The following PC variants were observed in gnomAD, a reference collection of about 807,000 sequenced individuals.
PC encodes pyruvate carboxylase, mitochondrial.
A neutral mutation model predicts 107.8 loss-of-function variants in PC; 46 were observed. The ratio of observed to expected loss-of-function variants is 0.43; its 90% CI spans 0.34 to 0.55. The LOEUF is 0.55. Among genes scored for constraint, PC ranks in the 20% least tolerant of loss-of-function variants. The pLI is 0.04. For synonymous variants in PC, 662 were observed against 684.7 expected, an observed-to-expected ratio of 0.97 and a Z score of 0.52; for missense variants, 1,241 against 1,643.1, an observed-to-expected ratio of 0.76 and a Z score of 4.23.
In PC at chr11:66,857,421, A is replaced by G; in HGVS notation, c.1369-4038T>C. On this transcript the variant is annotated intron_variant, in intron 12 of 22. Transcript: ENST00000393960. The surrounding 1 kb of genome is among the most constrained non-coding windows in gnomAD (Gnocchi z 7.1). ...GCGGGGAGTGGGGAGGCGGCTGGCG[A>G]TTCCTGGGGACGCCTGGGAAAGGAA... The G allele has an allele frequency of 3.4e-6, 1 of 290,266 alleles. No individual in the cohort carries two copies. Among genetic ancestry groups the G allele is most frequent in the Non-Finnish European group, 6.4e-6 (1 of 156,992 alleles). 18.0% of individuals were successfully genotyped at this position (290,266 alleles called of 1,614,324 possible).
Position 66,868,598 on chromosome 11 carries a change from G to A in PC, c.1022+248C>T, listed in dbSNP as rs930377681. On this transcript the variant is annotated intron_variant, in intron 10 of 22. Transcript: ENST00000393960. ...TGGGAGCACCTGGGCCTGAGCAATC[G>A]GCAGCGTCCTGACAGAGAGGAGGGC... Among the ~76,000 whole-genome samples the A allele has an allele frequency of 5.3e-5, 8 of 152,278 alleles. No homozygotes were observed. The East Asian group carries it at 7.7e-4, about 15-fold the overall frequency.
intron 3 of PC, among the ~76,000 whole-genome samples, chr11:66,922,895 A>G (rs775873407): frequency 2.6e-5 from 4 of 152,224 alleles, no homozygotes; most frequent in Non-Finnish European, 5.9e-5. Flanking sequence ...AGGCAAAGGT[A>G]TGAGATTGTC....
At chr11:66,896,908 C>T (rs1465568506) in intron 3 of PC, among the ~76,000 whole-genome samples, 1 of 151,928 alleles carries the variant, frequency 6.6e-6, no homozygotes, top group African/African-American at 2.4e-5. Context: ...TCTTTCACTG[C>T]TGATCCTTTT....
At chr11:66,874,431 G>A (rs199648105) in intron 3 of PC, among the ~76,000 whole-genome samples, 8 of 152,110 alleles carry the variant, frequency 5.3e-5, no homozygotes, top group Non-Finnish European at 1.0e-4. Flanking sequence ...ACTTGACTCA[G>A]CCATTTTGTT....
chr11:66,859,046 G>A (rs778985492), intron 12 of PC: 2 of 1,505,890 alleles, frequency 1.3e-6, no homozygotes, highest in Admixed American at 4.6e-5. Flanking sequence ...CAGTGTGGAT[G>A]TTCCAAATCC....
Position 66,852,630 on chromosome 11 carries a change from A to G in PC, c.1634T>C (p.Leu545Pro), listed in dbSNP as rs1194717540. ...GPPPAGFRDI[L>P]LREGPEGFAR... The stretch of plus-strand genomic sequence containing the variant: ...AAAGCCCTCAGGCCCCTCTCGCAGC[A>G]GGATGTCTCTGAAACCAGCCGGGGG... Residue 545 changes from leucine (L) to proline (P), a missense_variant, in exon 15 of 23, where the codon CTG (leucine) becomes CCG (proline). Around this residue, in one of 2 missense-constraint regions of PC, gnomAD observed 1,143 missense variants for 1,551.9 expected, o/e 0.74. Coordinates refer to ENST00000393960, the MANE Select transcript of PC (RefSeq NM_001040716.2). The surrounding 1 kb of genome is among the most constrained non-coding windows in gnomAD (Gnocchi z 4.7). 6.2e-7 allele frequency: 1 copy of G among 1,613,766 alleles called. No individual in the cohort carries two copies. Among genetic ancestry groups the G allele is most frequent in the Non-Finnish European group, 8.5e-7 (1 of 1,179,860 alleles).
chr11:66,902,393 C>T (rs987989168), intron 3 of PC, among the ~76,000 whole-genome samples: 1 of 152,146 alleles, frequency 6.6e-6, no homozygotes, highest in African/African-American at 2.4e-5. Context: ...CCAGCCACTG[C>T]ACTGAGTGAT....
intron 12 of PC, among the ~76,000 whole-genome samples, chr11:66,861,834 C>T (rs1946274437): frequency 6.6e-6 from 1 of 151,916 alleles, no homozygotes; most frequent in Non-Finnish European, 1.5e-5. Context: ...TCTAGTGCCC[C>T]TTTCTCCACC....
intron 16 of PC, 57 bp from the exon 17 acceptor site, chr11:66,851,337 T>C: frequency 6.3e-7 from 1 of 1,597,694 alleles, no homozygotes; most frequent in South Asian, 1.1e-5. Context: ...CTGAACAGTC[T>C]TCCCTGGCTC....
chr11:66,856,362 C>A (rs949881443), intron 12 of PC, among the ~76,000 whole-genome samples: 7 of 128,746 alleles, frequency 5.4e-5, no homozygotes, highest in African/African-American at 2.0e-4. Flanking sequence ...GCCCGCGGGG[C>A]GGGCGGGGCA....
intron 3 of PC, among the ~76,000 whole-genome samples, chr11:66,927,288 C>A (rs1948739844): frequency 1.3e-5 from 2 of 148,188 alleles, no homozygotes; most frequent in Non-Finnish European, 3.0e-5. Context: ...TTGAACTCAG[C>A]AGTATGACTC....
At chr11:66,902,375 A>G (rs950680330) in intron 3 of PC, among the ~76,000 whole-genome samples, 2 of 152,158 alleles carry the variant, frequency 1.3e-5, no homozygotes, top group Non-Finnish European at 2.9e-5. Flanking sequence ...GTGAGCTGCT[A>G]CTGAGTGCCA....
chr11:66,898,131 AATTAAG>A (rs1228707460), intron 3 of PC, among the ~76,000 whole-genome samples: 1 of 152,170 alleles, frequency 6.6e-6, no homozygotes, highest in Non-Finnish European at 1.5e-5. Flanking sequence ...ATTAAACTGG[AATTAAG>A]ATTTTCTTCT....
At position 66,860,071 on chromosome 11, in the gene PC, G is replaced by A; in HGVS notation, c.1368+3703C>T. 6.4e-7 allele frequency: 1 copy of A among 1,560,618 alleles called. No individual in the cohort carries two copies. The highest frequency in any genetic ancestry group is 8.7e-7 in the Non-Finnish European group (1 of 1,153,258). On this transcript the variant is annotated intron_variant, in intron 12 of 22. Transcript: ENST00000393960. ...GACCTGGGAGATGCCGGGTGCTACG[G>A]TTATGCCAGGCGCCTGGGAGGAGCT... is the stretch of plus-strand genomic sequence containing the variant.
chr11:66,889,496 G>A (rs1440759197), intron 3 of PC, among the ~76,000 whole-genome samples: 2 of 151,956 alleles, frequency 1.3e-5, no homozygotes, highest in African/African-American at 4.8e-5. Context: ...TCAGCCTCCC[G>A]AGTAGCTGGG....
At position 66,871,564 on chromosome 11, in the gene PC, G is replaced by T; in HGVS notation, c.322-84C>A. ...AGCCTCTTCCCCTGCCTAACCTGCT[G>T]AGCTGCATCCGTTTACCCACCCACG... is the stretch of plus-strand genomic sequence containing the variant. On this transcript the variant is annotated intron_variant, in intron 5 of 22. Coordinates refer to ENST00000393960, the MANE Select transcript of PC (RefSeq NM_001040716.2). The surrounding 1 kb of genome is among the most constrained non-coding windows in gnomAD (Gnocchi z 7.4). 1 of 1,594,714 alleles carries T rather than the reference G, an allele frequency of 6.3e-7. No individual in the cohort carries two copies. Among genetic ancestry groups the T allele is most frequent in the South Asian group, 1.1e-5 (1 of 90,518 alleles).
chr11:66,927,433 C>G (rs1948743117), intron 3 of PC, among the ~76,000 whole-genome samples: 1 of 151,400 alleles, frequency 6.6e-6, no homozygotes, highest in Non-Finnish European at 1.5e-5. Context: ...TAAAAATCAG[C>G]CAGGCAAGCT....
rs1309885718 is a variant in PC, at chr11:66,858,875, C to G, written c.1368+4899G>C. On this transcript the variant is annotated intron_variant, in intron 12 of 22. Transcript: ENST00000393960. The surrounding 1 kb of genome is among the most constrained non-coding windows in gnomAD (Gnocchi z 5.9). ...TGGCCTTGCCCCATGGTGGGAACAG[C>G]AGTGCCGAGGGGGGCCGCCCCGGGC... 6.4e-7 allele frequency: 1 copy of G among 1,556,400 alleles called. No homozygotes were observed. The highest frequency in any genetic ancestry group is 1.2e-5 in the South Asian group (1 of 86,178).
intron 3 of PC, among the ~76,000 whole-genome samples, chr11:66,912,713 T>C (rs1051403425): frequency 1.3e-5 from 2 of 151,744 alleles, no homozygotes; most frequent in African/African-American, 4.8e-5. Context: ...CCCACTAGAG[T>C]GGGCCAAGAG....
Sources: gnomAD v4.1 joint callset for allele counts (sites outside exome capture counted in the v4.1 genomes callset) on GRCh38, gnomAD v4.1.1 for gene constraint, gnomAD v4.1.1 regional missense constraint, Gnocchi (gnomAD v3.1) non-coding constraint, MANE v1.5 for transcripts, NCBI Gene and HGNC (gene_info 2026-07-23, HGNC 2026-07-21) for gene names.